ZNF385D: variants seen among roughly 807,000 people sequenced by gnomAD.
ZNF385D encodes zinc finger protein 385D, also known as zinc finger protein 659.
A neutral mutation model predicts 35.8 loss-of-function variants in ZNF385D; 15 were observed. The ratio of observed to expected loss-of-function variants is 0.42; its 90% confidence interval spans 0.28 to 0.64. The LOEUF (loss-of-function observed/expected upper bound fraction) is 0.64, where lower values mean the gene tolerates loss of function less well. Ranked by LOEUF, ZNF385D falls within the 30% of genes least tolerant of loss-of-function variation. ZNF385D has a pLI of 0.23. For missense variants in ZNF385D, 474 were observed against 494.6 expected (o/e 0.96, Z 0.39); for synonymous variants, 212 against 186.8 (o/e 1.13, Z -1.10).
chr3:21,752,480 A>C (rs2070148413), upstream of ZNF385D, among the ~76,000 whole-genome samples: 1 of 152,188 alleles, frequency 6.6e-6, no homozygotes, highest in Admixed American at 6.5e-5. Flanking sequence ...TGGTGGATTT[A>C]ATGTGCATAG....
intron 1 of ZNF385D, among the ~76,000 whole-genome samples, chr3:21,738,922 G>A (rs1291887332): frequency 6.6e-6 from 1 of 152,226 alleles, no homozygotes; most frequent in Non-Finnish European, 1.5e-5. Flanking sequence ...CTAGTCAGCA[G>A]CAGTTTGGGC....
At chr3:21,461,885 C>T (rs1007408043) in intron 4 of ZNF385D, among the ~76,000 whole-genome samples, 1 of 152,110 alleles carries the variant, frequency 6.6e-6, no homozygotes, top group Non-Finnish European at 1.5e-5. Flanking sequence ...ATATCTGTGG[C>T]CTTATTAATA....
At chr3:21,752,343 G>A (rs2070142196), upstream of ZNF385D, among the ~76,000 whole-genome samples, 1 of 152,138 alleles carries the variant, frequency 6.6e-6, no homozygotes, top group African/African-American at 2.4e-5. Flanking sequence ...ACAAAGAACT[G>A]TAGTCTATGG....
chr3:21,665,007 G>C lies in ZNF385D; in HGVS notation c.44C>G (p.Ala15Gly). 6.2e-7 allele frequency: 1 copy of C among 1,612,202 alleles called. No individual in the cohort carries two copies. The highest frequency in any genetic ancestry group is 8.5e-7 in the Non-Finnish European group (1 of 1,178,988). Residue 15 changes from alanine to glycine, a missense_variant, in exon 2 of 8, where the codon GCT becomes GGT. Transcript: ENST00000281523. ...MYFGGTCQSP[A>G]LPALVRPPAP... ...TGGTGGACGGACAAGGGCCGGGAGA[G>C]CAGGACTCTGGCATGTACCACCTGT...
At chr3:21,667,773 A>G (rs1371561124) in intron 1 of ZNF385D, among the ~76,000 whole-genome samples, 8 of 152,214 alleles carry the variant, frequency 5.3e-5, no homozygotes, top group Non-Finnish European at 1.2e-4. Context: ...TAGCACAATG[A>G]GAGATATAAA....
intron 2 of ZNF385D, among the ~76,000 whole-genome samples, chr3:21,602,452 G>C (rs2064325748): frequency 1.3e-5 from 2 of 150,242 alleles, no homozygotes; most frequent in Non-Finnish European, 3.0e-5. Flanking sequence ...GGAGACCCAA[G>C]TACTAGCGCA....
chr3:21,859,265 T>G (rs922097523), intron 3 of ZNF385D, among the ~76,000 whole-genome samples: 1 of 151,996 alleles, frequency 6.6e-6, no homozygotes, highest in Non-Finnish European at 1.5e-5. Flanking sequence ...CTTTATACCC[T>G]GCCCGCAGAT....
chr3:21,884,952 G>C (rs1036066082), intron 3 of ZNF385D, among the ~76,000 whole-genome samples: 16 of 151,844 alleles, frequency 1.1e-4, no homozygotes, highest in African/African-American at 2.9e-4. Flanking sequence ...ATACAGCCAT[G>C]CTCACTTATT....
At chr3:21,991,169 T>C (rs760878899) in intron 3 of ZNF385D, among the ~76,000 whole-genome samples, 1 of 152,190 alleles carries the variant, frequency 6.6e-6, no homozygotes, top group African/African-American at 2.4e-5. Flanking sequence ...ATGCATGTGT[T>C]TGGTTCCATA....
intron 3 of ZNF385D, among the ~76,000 whole-genome samples, chr3:22,108,370 T>G (rs570611796): frequency 2.3e-4 from 35 of 151,570 alleles, no homozygotes; most frequent in African/African-American, 7.7e-4. Context: ...TTTTTTTTGT[T>G]TTTTTTTTGC....
At chr3:22,103,018 A>G (rs115131513) in intron 3 of ZNF385D, among the ~76,000 whole-genome samples, 1,879 of 150,994 alleles carry the variant, frequency 0.012, 21 homozygotes, top group Middle Eastern at 0.024. Flanking sequence ...AAGTGAATAA[A>G]TTTCTCATGC....
intron 3 of ZNF385D, among the ~76,000 whole-genome samples, chr3:21,901,536 G>A (rs777710629): frequency 7.9e-5 from 12 of 152,146 alleles, no homozygotes; most frequent in Non-Finnish European, 1.8e-4. Flanking sequence ...CATGCATTGT[G>A]GATGCCAGGC....
At chr3:22,015,990 G>T (rs1017661975) in intron 3 of ZNF385D, among the ~76,000 whole-genome samples, 13 of 152,098 alleles carry the variant, frequency 8.5e-5, no homozygotes, top group African/African-American at 3.1e-4. Context: ...AAGAGTAAGG[G>T]AGAGTTTCTC....
intron 5 of ZNF385D, among the ~76,000 whole-genome samples, chr3:21,426,696 A>G (rs1356212146): frequency 6.6e-6 from 1 of 152,148 alleles, no homozygotes; most frequent in Non-Finnish European, 1.5e-5. Context: ...TTCGGCAACC[A>G]TTAAAGAAAT....
Position 21,944,702 on chromosome 3 carries a change from G to C in ZNF385D, c.325+224115C>G, listed in dbSNP as rs150358252. On this transcript the variant is annotated intron_variant, in intron 3 of 5. Transcript: ENST00000494108. ...GTTAAATTTCTTAACTCCCAACTTT[G>C]ACAAGAAAATGCTCATTAGTGTTAT... 2.5e-3 allele frequency among the ~76,000 whole-genome samples: 383 copies of C among 152,072 alleles called. 1 individual carries two copies. Among genetic ancestry groups the C allele is most frequent in the African/African-American group, 8.8e-3 (367 of 41,470 alleles).
At chr3:21,530,415 T>C (rs75785924) in intron 3 of ZNF385D, among the ~76,000 whole-genome samples, 7,717 of 152,248 alleles carry the variant, frequency 0.051, 241 homozygotes, top group South Asian at 0.07. Flanking sequence ...CCATCCTGGG[T>C]CTTTGATTTA....
intron 2 of ZNF385D, among the ~76,000 whole-genome samples, chr3:22,328,301 A>G (rs1255676522): frequency 1.3e-5 from 2 of 150,910 alleles, no homozygotes; most frequent in African/African-American, 2.4e-5. Context: ...TGTATGTTAC[A>G]TTTTCTTTTG....
intron 3 of ZNF385D, among the ~76,000 whole-genome samples, chr3:21,808,169 G>A (rs1402137711): frequency 6.6e-6 from 1 of 151,974 alleles, no homozygotes; most frequent in African/African-American, 2.4e-5. Context: ...TTTAGTATAG[G>A]ATAAGAAAAT....
chr3:21,884,655 C>G (rs911813765), intron 3 of ZNF385D, among the ~76,000 whole-genome samples: 1 of 152,006 alleles, frequency 6.6e-6, no homozygotes, highest in Non-Finnish European at 1.5e-5. Flanking sequence ...CTACATTTTA[C>G]TATCATCTGT....
Sources: allele counts gnomAD v4.1 joint callset (sites outside exome capture counted in the v4.1 genomes callset), GRCh38; gene constraint gnomAD v4.1.1; transcripts MANE v1.5; gene names NCBI Gene and HGNC (gene_info 2026-07-23, HGNC 2026-07-21).